Variants in GLT1D1 observed in about 807,000 individuals in gnomAD.
GLT1D1 encodes the protein glycosyltransferase 1 domain containing 1, also known as glycosyltransferase 1 domain-containing protein 1.
A neutral mutation model predicts 28.7 loss-of-function variants in GLT1D1; 21 were observed. That is an observed-to-expected ratio of 0.73 (90% CI 0.52 to 1.05). The LOEUF (loss-of-function observed/expected upper bound fraction) is 1.05. Among genes scored for constraint, GLT1D1 ranks in the 50% least tolerant of loss-of-function variants. GLT1D1 has a pLI of 0.00. For missense variants in GLT1D1, 343 were observed against 330.6 expected (o/e 1.04, Z -0.29); for synonymous variants, 147 against 124.8 (o/e 1.18, Z -1.19).
intron 1 of GLT1D1, among the ~76,000 whole-genome samples, chr12:128,860,317 C>T (rs1669012521): frequency 6.6e-6 from 1 of 152,186 alleles, no homozygotes; most frequent in African/African-American, 2.4e-5. Context: ...AAAAATTAGC[C>T]AGGCGTGTTG....
chr12:128,968,723 G>A (rs555255631), intron 7 of GLT1D1, among the ~76,000 whole-genome samples: 1 of 152,236 alleles, frequency 6.6e-6, no homozygotes, highest in Admixed American at 6.5e-5. Flanking sequence ...GGGACAGCCT[G>A]CCTGGGGGTT....
intron 4 of GLT1D1, among the ~76,000 whole-genome samples, chr12:128,912,142 G>A (rs1366928292): frequency 6.6e-6 from 1 of 152,182 alleles, no homozygotes; most frequent in Non-Finnish European, 1.5e-5. Context: ...AATATAGCAA[G>A]TGTAAAATTG....
chr12:128,875,821 CCA>C, intron 1 of GLT1D1, 91 bp from the exon 2 acceptor site: 20 of 1,150,604 alleles, frequency 1.7e-5, no homozygotes, highest in Middle Eastern at 2.2e-4. Flanking sequence ...ACAACAACAA[CCA>C]AAAAAAAAAA....
chr12:128,862,766 A>C (rs1218197862), intron 1 of GLT1D1, among the ~76,000 whole-genome samples: 1 of 152,242 alleles, frequency 6.6e-6, no homozygotes, highest in African/African-American at 2.4e-5. Context: ...TGTCCTCAGG[A>C]GGCAGCCGCT....
chr12:128,888,816 C>A, intron 3 of GLT1D1, 72 bp downstream of exon 3: 1 of 986,602 alleles, frequency 1.0e-6, no homozygotes, highest in South Asian at 1.5e-5. Context: ...AAACCAAAGA[C>A]CGAGGGCACC....
chr12:128,867,553 A>C (rs979814328), intron 1 of GLT1D1, among the ~76,000 whole-genome samples: 3 of 151,990 alleles, frequency 2.0e-5, no homozygotes, highest in Admixed American at 2.0e-4. Context: ...GGTCACTGAA[A>C]ATGCATGAGA....
At chr12:128,925,033 G>GTT (rs1180124208) in intron 4 of GLT1D1, among the ~76,000 whole-genome samples, 1 of 105,882 alleles carries the variant, frequency 9.4e-6, no homozygotes, top group Non-Finnish European at 2.6e-5. Context: ...TAAATAAATT[G>GTT]TTTTTTGTTT....
At chr12:128,943,934 C>T (rs542999901) in intron 4 of GLT1D1, among the ~76,000 whole-genome samples, 14 of 152,270 alleles carry the variant, frequency 9.2e-5, no homozygotes, top group African/African-American at 1.4e-4. Context: ...CGGGAAAATA[C>T]GGAAGCTTTA....
At position 128,929,983 on chromosome 12, in the gene GLT1D1, A is replaced by T. The variant is rs576475033; in HGVS notation, c.376-15343A>T. On this transcript the variant is annotated intron_variant, in intron 4 of 7. Transcript: ENST00000281703. ...AGAGCAAGATTCTGTTTCAAAACAA[A>T]CAAACAAATAAAAACATCAAGGGCT... Among the ~76,000 whole-genome samples the T allele has an allele frequency of 3.4e-3, 525 of 152,322 alleles. 2 individuals carry two copies. Among genetic ancestry groups the T allele is most frequent in the Non-Finnish European group, 5.7e-3 (391 of 68,028 alleles).
At chr12:128,969,538 T>C (rs672579) in intron 7 of GLT1D1, among the ~76,000 whole-genome samples, 15,459 of 152,144 alleles carry the variant, frequency 0.1, 1,678 homozygotes, top group African/African-American at 0.27. Context: ...ACTGAGCTGC[T>C]GCGCGGCAAG....
intron 1 of GLT1D1, among the ~76,000 whole-genome samples, chr12:128,863,378 AT>A (rs796805677): frequency 1.3e-4 from 10 of 77,942 alleles, no homozygotes; most frequent in Non-Finnish European, 1.3e-4. Context: ...ATAATTTATT[AT>A]TTTTTTTTTT....
chr12:128,983,162 A>G lies in GLT1D1; in HGVS notation c.*72A>G, dbSNP rs35993969. ...TGCACACTCAGAGACAGAGTTCTGG[A>G]TCACGTGGGCCCAGTGCAGTTCAAA... On this transcript the variant is annotated 3_prime_UTR_variant, in exon 8 of 8. Coordinates refer to ENST00000281703, the MANE Select transcript of GLT1D1 (RefSeq NM_144669.3). This position sits in a 1 kb window ranked among gnomAD's most constrained non-coding sequence, Gnocchi z 4.7. 0.21 allele frequency: 302,571 copies of G among 1,421,026 alleles called. 34,423 individuals carry two copies. The highest frequency in any genetic ancestry group is 0.24 in the Non-Finnish European group (244,700 of 1,018,982). The allele number at this position is 1,421,026 out of a possible 1,614,324, so 88.0% of individuals were successfully genotyped here. A position where few individuals can be genotyped will look rare whatever the true frequency, so the allele number is the denominator to read the frequency against.
intron 4 of GLT1D1, among the ~76,000 whole-genome samples, chr12:128,919,248 A>G (rs571717191): frequency 5.9e-5 from 9 of 152,298 alleles, no homozygotes; most frequent in African/African-American, 2.2e-4. Flanking sequence ...TTGGAGCTTC[A>G]GACAGTGAAA....
chr12:128,982,555 C>T (rs1197832812), intron 7 of GLT1D1, among the ~76,000 whole-genome samples: 1 of 152,152 alleles, frequency 6.6e-6, no homozygotes. Context: ...TGAGGCTCCA[C>T]TCATGAGAGG....
intron 4 of GLT1D1, among the ~76,000 whole-genome samples, chr12:128,918,452 CACACGTATCCTGG>C (rs1652423033): frequency 6.6e-6 from 1 of 152,146 alleles, no homozygotes; most frequent in African/African-American, 2.4e-5. Context: ...GCACATCCTG[CACACGTATCCTGG>C]AACTTAAAAT....
At chr12:128,928,124 G>A (rs2702217) in intron 4 of GLT1D1, among the ~76,000 whole-genome samples, 53,461 of 151,618 alleles carry the variant, frequency 0.35, 10,025 homozygotes, top group East Asian at 0.68. Context: ...TGGTGCATAA[G>A]GCAAATATTA....
chr12:128,882,522 A>C (rs926313140), intron 2 of GLT1D1, among the ~76,000 whole-genome samples: 24 of 152,036 alleles, frequency 1.6e-4, no homozygotes. Flanking sequence ...GTGACCCACC[A>C]CCTACCTTGG....
At chr12:128,978,311 C>G (rs1593220879) in intron 7 of GLT1D1, among the ~76,000 whole-genome samples, 1 of 152,068 alleles carries the variant, frequency 6.6e-6, no homozygotes, top group Non-Finnish European at 1.5e-5. Flanking sequence ...GTGTAGCTCT[C>G]CAGTGCATTT....
At position 128,914,999 on chromosome 12, in the gene GLT1D1, G is replaced by C; in HGVS notation, c.375+15712G>C. The stretch of plus-strand genomic sequence containing the variant: ...TTTCTTCAACGCTCTGGTGAGACAT[G>C]AGATCTTCTTAGAGGATTTTGATGA... On this transcript the variant is annotated intron_variant, in intron 4 of 7. Transcript: ENST00000281703. 1.3e-6 allele frequency: 2 copies of C among 1,532,688 alleles called. No individual in the cohort carries two copies. Among genetic ancestry groups the C allele is most frequent in the South Asian group, 1.2e-5 (1 of 83,958 alleles). The allele number at this position is 1,532,688 out of a possible 1,614,324, so 94.9% of individuals were successfully genotyped here. A position where few individuals can be genotyped will look rare whatever the true frequency, so the allele number is the denominator to read the frequency against.
Sources: gnomAD v4.1 joint callset for allele counts (sites outside exome capture counted in the v4.1 genomes callset) on GRCh38, gnomAD v4.1.1 for gene constraint, Gnocchi (gnomAD v3.1) non-coding constraint, MANE v1.5 for transcripts, NCBI Gene and HGNC (gene_info 2026-07-23, HGNC 2026-07-21) for gene names.